IL1RAPL1: variants seen among roughly 807,000 people sequenced by gnomAD.
IL1RAPL1 encodes the protein interleukin-1 receptor accessory protein-like 1.
IL1RAPL1 carries 3 observed loss-of-function variants against 48.4 expected under a neutral mutation model. The ratio of observed to expected loss-of-function variants is 0.06; its 90% CI spans 0.03 to 0.16. IL1RAPL1 has a LOEUF of 0.16. IL1RAPL1 is among the 10% of genes least tolerant of loss of function. IL1RAPL1 has a pLI of 1.00. For synonymous variants in IL1RAPL1, 185 were observed against 187.7 expected, an observed-to-expected ratio of 0.99 and a Z score of 0.12; for missense variants, 349 against 530.6, an observed-to-expected ratio of 0.66 and a Z score of 3.36.
intron 1 of IL1RAPL1, among the ~76,000 whole-genome samples, chrX:28,753,881 A>C (rs1936073751): frequency 9.1e-6 from 1 of 109,550 alleles, no homozygotes; most frequent in African/African-American, 3.3e-5. Context: ...CATTTTTTTA[A>C]GACGGGAAGG....
chrX:29,882,559 G>A (rs1785933472), intron 6 of IL1RAPL1, among the ~76,000 whole-genome samples: 1 of 111,313 alleles, frequency 9.0e-6, no homozygotes, highest in South Asian at 3.8e-4. Context: ...ATAATATAGT[G>A]TCTTTCACAA....
chrX:29,938,535 T>G (rs1408031897), intron 8 of IL1RAPL1, among the ~76,000 whole-genome samples: 1 of 111,388 alleles, frequency 9.0e-6, no homozygotes, highest in Non-Finnish European at 1.9e-5. Context: ...TCTCCCCACA[T>G]AGGCCTTTGG....
At chrX:28,666,220 AT>A (rs1165915061) in intron 1 of IL1RAPL1, among the ~76,000 whole-genome samples, 5 of 112,211 alleles carry the variant, frequency 4.5e-5, no homozygotes, top group African/African-American at 1.6e-4. Flanking sequence ...GGTGAAAAAA[AT>A]CTGTAAAATG....
chrX:29,665,255 G>A (rs1426019537), intron 5 of IL1RAPL1, among the ~76,000 whole-genome samples: 2 of 112,438 alleles, frequency 1.8e-5, no homozygotes, highest in Admixed American at 1.9e-4. Flanking sequence ...TGTTTTCAAG[G>A]AAGAGAGAAA....
In IL1RAPL1 at chrX:28,970,010, T is replaced by C. The variant is rs1210561505; in HGVS notation, c.82+180585T>C. On this transcript the variant is annotated intron_variant, in intron 2 of 10. Coordinates refer to ENST00000378993, the MANE Select transcript of IL1RAPL1 (RefSeq NM_014271.4). ...ACACATATATATGTTTAGAAACATA[T>C]ATATATAAAGATAAAGTTTTGCTCT... 3.6e-5 allele frequency among the ~76,000 whole-genome samples: 4 copies of C among 110,953 alleles called. No homozygotes were observed. In the East Asian group the frequency reaches 1.1e-3, roughly 32 times the overall value.
In IL1RAPL1 at chrX:29,844,473, C is replaced by T. The variant is rs1268181918; in HGVS notation, c.779-72991C>T. Among the ~76,000 whole-genome samples, 4 of 111,204 alleles carry T rather than the reference C, an allele frequency of 3.6e-5. No individual in the cohort carries two copies. The East Asian group carries it at 1.1e-3, about 31-fold the overall frequency. ...TAGGTCCAAGTCTTAACCCCCGGTACCTGTAAATGTGATCTTATATGGAAA... is the reference window on the plus strand; with the variant it reads ...TAGGTCCAAGTCTTAACCCCCGGTATCTGTAAATGTGATCTTATATGGAAA... On this transcript the variant is annotated intron_variant, in intron 6 of 10. Transcript: ENST00000378993.
intron 2 of IL1RAPL1, among the ~76,000 whole-genome samples, chrX:29,258,258 A>T (rs2147580825): frequency 1.8e-5 from 2 of 111,800 alleles, no homozygotes; most frequent in Middle Eastern, 4.6e-3. Flanking sequence ...CCATAAATAT[A>T]TACAAATATA....
intron 2 of IL1RAPL1, among the ~76,000 whole-genome samples, chrX:28,797,185 A>G (rs1167193403): frequency 1.8e-5 from 2 of 111,016 alleles, no homozygotes; most frequent in Non-Finnish European, 3.8e-5. Context: ...TTCCTCCTAA[A>G]CCTCTGGGCC....
At chrX:29,525,461 GAAGGCAGATTCTGTCTGGA>G (rs1394217573) in intron 5 of IL1RAPL1, among the ~76,000 whole-genome samples, 3 of 112,157 alleles carry the variant, frequency 2.7e-5, no homozygotes, top group Non-Finnish European at 5.6e-5. Flanking sequence ...AGGTTTTAGA[GAAGGCAGATTCTGTCTGGA>G]AAGTCATGGG....
intron 1 of IL1RAPL1, among the ~76,000 whole-genome samples, chrX:28,762,811 CACACACACACACAG>C (rs1245535141): frequency 1.1e-4 from 8 of 71,726 alleles, no homozygotes; most frequent in African/African-American, 3.9e-4. Flanking sequence ...CACACACACA[CACACACACACACAG>C]AGAGAGAGAG....
intron 2 of IL1RAPL1, among the ~76,000 whole-genome samples, chrX:29,255,030 G>T (rs983249950): frequency 1.8e-5 from 2 of 110,084 alleles, no homozygotes; most frequent in South Asian, 7.7e-4. Context: ...CGTGTCATTA[G>T]ATTTAAAAAA....
At chrX:29,067,269 C>T (rs1452917194) in intron 2 of IL1RAPL1, among the ~76,000 whole-genome samples, 3 of 111,441 alleles carry the variant, frequency 2.7e-5, no homozygotes, top group African/African-American at 6.5e-5. Context: ...TGCCACTGTA[C>T]GTTTCATGAT....
intron 2 of IL1RAPL1, chrX:28,942,419 A>G (rs192940768): frequency 9.1e-6 from 1 of 109,460 alleles, no homozygotes; most frequent in East Asian, 2.8e-4. Context: ...TTTTCTTCCT[A>G]AACTATAATC....
At chrX:28,605,679 C>A (rs1330666704) in intron 1 of IL1RAPL1, among the ~76,000 whole-genome samples, 2 of 112,120 alleles carry the variant, frequency 1.8e-5, no homozygotes, top group African/African-American at 6.5e-5. Context: ...CAAATCCCTG[C>A]AAAGGTTGCT....
intron 2 of IL1RAPL1, among the ~76,000 whole-genome samples, chrX:28,896,889 G>A (rs1270351797): frequency 1.8e-5 from 2 of 110,872 alleles, no homozygotes; most frequent in South Asian, 3.9e-4. Flanking sequence ...CCCATTTTAC[G>A]ACAAGAATTA....
At chrX:28,995,299 C>T (rs2147384428) in intron 2 of IL1RAPL1, among the ~76,000 whole-genome samples, 1 of 111,382 alleles carries the variant, frequency 9.0e-6, no homozygotes, top group East Asian at 2.8e-4. Flanking sequence ...TTCTCATCTT[C>T]ACTAATCTCT....
At chrX:29,596,750 G>T (rs1207354728) in intron 5 of IL1RAPL1, among the ~76,000 whole-genome samples, 1 of 111,744 alleles carries the variant, frequency 8.9e-6, no homozygotes, top group African/African-American at 3.3e-5. Flanking sequence ...TGCGCTGGCT[G>T]GGACTTCCAG....
At chrX:29,918,144 A>AAAAATATAT (rs1555935868) in intron 7 of IL1RAPL1, among the ~76,000 whole-genome samples, 3 of 23,767 alleles carry the variant, frequency 1.3e-4, no homozygotes, top group African/African-American at 4.8e-4. Context: ...AAAAAAAAAA[A>AAAAATATAT]ATATATATAT....
At chrX:28,637,137 T>TA (rs1046663344) in intron 1 of IL1RAPL1, among the ~76,000 whole-genome samples, 1 of 111,196 alleles carries the variant, frequency 9.0e-6, no homozygotes, top group African/African-American at 3.3e-5. Context: ...TTGGGTGAGA[T>TA]AAAAAAATTC....
Sources: gnomAD v4.1 joint callset for allele counts (sites outside exome capture counted in the v4.1 genomes callset) on GRCh38, gnomAD v4.1.1 for gene constraint, MANE v1.5 for transcripts, NCBI Gene and HGNC (gene_info 2026-07-23, HGNC 2026-07-21) for gene names.